L3MBTL3: variants seen among roughly 807,000 people sequenced by gnomAD.
The protein encoded by L3MBTL3 is L3MBTL histone methyl-lysine binding protein 3, also known as lethal(3)malignant brain tumor-like protein 3.
In L3MBTL3, 27 loss-of-function variants were observed where a neutral mutation model predicts 102.3. The ratio of observed to expected loss-of-function variants is 0.26; its 90% CI spans 0.19 to 0.36. L3MBTL3 has a LOEUF of 0.36. Ranked by LOEUF, L3MBTL3 falls within the 10% of genes least tolerant of loss-of-function variation. L3MBTL3 has a pLI of 1.00. For missense variants in L3MBTL3, 798 were observed against 955.3 expected (o/e 0.84, Z 2.17); for synonymous variants, 340 against 320.9 (o/e 1.06, Z -0.64).
At chr6:130,018,982 AAGAG>A (rs754483362) in intron 1 of L3MBTL3, among the ~76,000 whole-genome samples, 36 of 151,938 alleles carry the variant, frequency 2.4e-4, no homozygotes, top group South Asian at 4.2e-4. Flanking sequence ...AGAGGAACAA[AAGAG>A]AGAGAAAAGA....
At chr6:130,058,156 A>G (rs1463418702) in intron 9 of L3MBTL3, among the ~76,000 whole-genome samples, 1,108 of 38,722 alleles carry the variant, frequency 0.029, 18 homozygotes, top group African/African-American at 0.041. Context: ...TCTCAAAAAA[A>G]AAAAAAAAAA....
At chr6:130,139,022 C>T (rs954185376) in intron 22 of L3MBTL3, among the ~76,000 whole-genome samples, 2 of 152,154 alleles carry the variant, frequency 1.3e-5, no homozygotes, top group Non-Finnish European at 2.9e-5. Context: ...ACCTTAAAGT[C>T]AGTGACTCGT....
At chr6:130,077,104 G>A (rs182316712) in intron 13 of L3MBTL3, among the ~76,000 whole-genome samples, 556 of 151,884 alleles carry the variant, frequency 3.7e-3, no homozygotes, top group Non-Finnish European at 5.5e-3. Context: ...GATTGAGAAG[G>A]AAAAAATTAA....
intron 2 of L3MBTL3, among the ~76,000 whole-genome samples, chr6:130,034,958 G>A (rs372467061): frequency 4.6e-5 from 7 of 152,216 alleles, no homozygotes; most frequent in African/African-American, 1.7e-4. Context: ...TTGAGCTGAT[G>A]AATGTGCATG....
intron 20 of L3MBTL3, among the ~76,000 whole-genome samples, chr6:130,126,828 C>T (rs889949109): frequency 3.1e-4 from 47 of 152,090 alleles, no homozygotes; most frequent in African/African-American, 1.1e-3. Context: ...GAGAAAGAGG[C>T]ATACAGAATG....
Position 130,129,694 on chromosome 6 carries a change from A to G in L3MBTL3, c.1967-3758A>G, listed in dbSNP as rs540591615. ...AAAATTTTCTTTTCCATGCATGTCA[A>G]TGGTTTGAGAGGAGAGTGGTACGAA... On this transcript the variant is annotated intron_variant, in intron 20 of 22. Coordinates refer to ENST00000361794, the MANE Select transcript of L3MBTL3 (RefSeq NM_032438.4). 3.9e-5 allele frequency among the ~76,000 whole-genome samples: 6 copies of G among 152,278 alleles called. No homozygotes were observed. In the South Asian group the frequency reaches 6.2e-4, roughly 16 times the overall value.
At chr6:130,138,239 C>T (rs1348733832) in intron 22 of L3MBTL3, 1 of 152,148 alleles carries the variant, frequency 6.6e-6, no homozygotes, top group Non-Finnish European at 1.5e-5. Context: ...TTTGCTAGGG[C>T]CACCATAACA....
chr6:130,037,208 G>A (rs571538939), intron 2 of L3MBTL3, among the ~76,000 whole-genome samples: 235 of 152,080 alleles, frequency 1.5e-3, no homozygotes, highest in Non-Finnish European at 2.6e-3. Context: ...TATATTTATG[G>A]AGACTGTAAT....
Position 130,133,396 on chromosome 6 carries a change from T to A in L3MBTL3, c.1967-56T>A, listed in dbSNP as rs1043293600. The A allele has an allele frequency of 1.5e-5, 24 of 1,570,830 alleles. No homozygotes were observed. The highest frequency in any genetic ancestry group is 2.1e-5 in the Non-Finnish European group (24 of 1,146,030). On this transcript the variant is annotated intron_variant, in intron 20 of 22. Transcript: ENST00000361794. This position sits in a 1 kb window ranked among gnomAD's most constrained non-coding sequence, Gnocchi z 4.9. ...TCGTTATCTGGGAGATGCACGGCAT[T>A]TGGGGCTTTCTTGCTGCTTTCAGAG...
intron 22 of L3MBTL3, among the ~76,000 whole-genome samples, chr6:130,136,933 C>A (rs4897366): frequency 0.44 from 66,280 of 152,066 alleles, 16,530 homozygotes; most frequent in East Asian, 0.75. Flanking sequence ...GAGTCACTTT[C>A]TAACTTACTA....
Position 130,074,654 on chromosome 6 carries a change from C to G in L3MBTL3, c.1244+3527C>G, listed in dbSNP as rs539784993. On this transcript the variant is annotated intron_variant, in intron 13 of 22. Transcript: ENST00000361794. ...TTTTCTTCCAGGCACTAGGAAGGAA[C>G]CTTTCTTTTAAAAAATGTTATTTTC... Among the ~76,000 whole-genome samples the G allele has an allele frequency of 7.2e-5, 11 of 152,292 alleles. No homozygotes were observed. The East Asian group carries it at 2.1e-3, about 29-fold the overall frequency.
intron 2 of L3MBTL3, among the ~76,000 whole-genome samples, chr6:130,026,578 CTTCTTTTTTTT>C (rs1260841342): frequency 6.6e-6 from 1 of 150,676 alleles, no homozygotes; most frequent in Non-Finnish European, 1.5e-5. Context: ...GCTTTACTTT[CTTCTTTTTTTT>C]TTCTTTTTAA....
At chr6:130,139,004 GA>G (rs1788016256) in intron 22 of L3MBTL3, among the ~76,000 whole-genome samples, 2 of 152,104 alleles carry the variant, frequency 1.3e-5, no homozygotes, top group African/African-American at 4.8e-5. Context: ...CTGCGTATTA[GA>G]AGAACCACCT....
At chr6:130,095,408 T>C (rs1784307711) in intron 18 of L3MBTL3, among the ~76,000 whole-genome samples, 1 of 152,214 alleles carries the variant, frequency 6.6e-6, no homozygotes, top group African/African-American at 2.4e-5. Flanking sequence ...GTTCAGTATG[T>C]TCCAGAGTGA....
intron 14 of L3MBTL3, among the ~76,000 whole-genome samples, chr6:130,080,132 T>C (rs1437832164): frequency 6.6e-6 from 1 of 152,052 alleles, no homozygotes; most frequent in East Asian, 1.9e-4. Context: ...CATGCACCTA[T>C]AGTCCCTGCT....
At chr6:130,093,101 C>G (rs576411702) in intron 17 of L3MBTL3, among the ~76,000 whole-genome samples, 100 of 152,170 alleles carry the variant, frequency 6.6e-4, no homozygotes, top group African/African-American at 2.2e-3. Flanking sequence ...TAAATATCAC[C>G]TTTTACAATT....
At chr6:130,033,358 G>A (rs1454842046) in intron 2 of L3MBTL3, among the ~76,000 whole-genome samples, 1 of 152,000 alleles carries the variant, frequency 6.6e-6, no homozygotes, top group East Asian at 1.9e-4. Flanking sequence ...AACGGTTAGT[G>A]AGTGAAGATG....
Position 130,071,215 on chromosome 6 carries a change from C to A in L3MBTL3, c.1244+88C>A. The stretch of plus-strand genomic sequence containing the variant: ...AACAGTAATAGTGCAACGCTTATAA[C>A]AAAAAAAAGCAGTGTTCTGCCCCAC... On this transcript the variant is annotated intron_variant, in intron 13 of 22. Transcript: ENST00000361794. The A allele has an allele frequency of 3.5e-6, 4 of 1,158,236 alleles. No individual in the cohort carries two copies. In the Admixed American group the frequency reaches 7.7e-5, roughly 22 times the overall value. The allele number at this position is 1,158,236 out of a possible 1,614,324, so 71.7% of individuals were successfully genotyped here.
At chr6:130,046,882 G>T (rs1473989873) in intron 3 of L3MBTL3, among the ~76,000 whole-genome samples, 28 of 152,110 alleles carry the variant, frequency 1.8e-4, no homozygotes, top group Admixed American at 1.8e-3. Flanking sequence ...AGTCTTTCTG[G>T]AATTCTGTCT....
Sources: gnomAD v4.1 joint callset for allele counts (sites outside exome capture counted in the v4.1 genomes callset) on GRCh38, gnomAD v4.1.1 for gene constraint, Gnocchi (gnomAD v3.1) non-coding constraint, MANE v1.5 for transcripts, NCBI Gene and HGNC (gene_info 2026-07-23, HGNC 2026-07-21) for gene names.